KIF26B: variants seen among roughly 807,000 people sequenced by gnomAD.
KIF26B encodes the protein kinesin-like protein KIF26B.
In KIF26B, 63 loss-of-function variants were observed where a neutral mutation model predicts 151.2. That is an observed-to-expected ratio of 0.42 (90% CI 0.34 to 0.51). KIF26B has a LOEUF of 0.51. Ranked by LOEUF, KIF26B falls within the 20% of genes least tolerant of loss-of-function variation. KIF26B has a pLI of 0.07. For missense variants in KIF26B, 2,813 were observed against 2,913.6 expected (o/e 0.97, Z 0.79); for synonymous variants, 1,357 against 1,262.1 (o/e 1.08, Z -1.59).
At chr1:245,544,419 G>A (rs1661692806) in intron 5 of KIF26B, among the ~76,000 whole-genome samples, 2 of 152,142 alleles carry the variant, frequency 1.3e-5, no homozygotes, top group Non-Finnish European at 2.9e-5. Context: ...TGAGAGTGTT[G>A]TCACCCAGCC....
chr1:245,309,589 T>G (rs915813885), intron 2 of KIF26B, among the ~76,000 whole-genome samples: 2 of 151,752 alleles, frequency 1.3e-5, no homozygotes, highest in African/African-American at 4.8e-5. Context: ...CTGCAGATCT[T>G]GGGATCTGTC....
At chr1:245,214,328 T>C (rs1312089436) in intron 2 of KIF26B, 1 of 152,028 alleles carries the variant, frequency 6.6e-6, no homozygotes, top group Non-Finnish European at 1.5e-5. Flanking sequence ...AGTAAGCTGA[T>C]TGGGCCACTG....
intron 4 of KIF26B, among the ~76,000 whole-genome samples, chr1:245,465,127 C>T (rs1052209512): frequency 6.9e-4 from 54 of 78,610 alleles, no homozygotes; most frequent in Admixed American, 4.6e-3. Context: ...TACAGGCGCC[C>T]GCCACCACAC....
intron 10 of KIF26B, among the ~76,000 whole-genome samples, chr1:245,658,823 C>T (rs947858319): frequency 9.2e-5 from 14 of 152,148 alleles, no homozygotes; most frequent in Non-Finnish European, 1.9e-4. Flanking sequence ...TTCTTTGCTC[C>T]AGGAAAGTTG....
intron 4 of KIF26B, among the ~76,000 whole-genome samples, chr1:245,438,886 G>A (rs1232357590): frequency 6.6e-6 from 1 of 152,188 alleles, no homozygotes; most frequent in East Asian, 1.9e-4. Context: ...AGTGGTTGAT[G>A]GGAAGTGAGG....
chr1:245,574,544 C>T (rs2043096919), intron 5 of KIF26B, among the ~76,000 whole-genome samples: 1 of 152,194 alleles, frequency 6.6e-6, no homozygotes, highest in South Asian at 2.1e-4. Flanking sequence ...GAGCCATGAA[C>T]AGGCTGGTTG....
At chr1:245,632,260 AT>A (rs2043788860) in intron 9 of KIF26B, among the ~76,000 whole-genome samples, 1 of 152,146 alleles carries the variant, frequency 6.6e-6, no homozygotes, top group Non-Finnish European at 1.5e-5. Context: ...AAGAAAAAAG[AT>A]TTTATTTCAT....
intron 2 of KIF26B, among the ~76,000 whole-genome samples, chr1:245,286,982 G>C (rs115822607): frequency 0.042 from 6,320 of 152,136 alleles, 162 homozygotes; most frequent in African/African-American, 0.063. Context: ...GGTGGCATGT[G>C]CCTGTAATCC....
rs2042933202 is a variant in KIF26B, at chr1:245,560,254, C to T, written c.1350+19304C>T. Among the ~76,000 whole-genome samples the T allele has an allele frequency of 6.6e-6, 1 of 152,140 alleles. No homozygotes were observed. The highest frequency in any genetic ancestry group is 1.5e-5 in the Non-Finnish European group (1 of 68,010). On this transcript the variant is annotated intron_variant, in intron 5 of 14. Transcript: ENST00000407071. The surrounding 1 kb of genome is among the most constrained non-coding windows in gnomAD (Gnocchi z 4.3). ...CAATTCATTGAACATCTGCTACTGG[C>T]CAGGGACTTTTTCCCTTTTGGAAGG...
intron 2 of KIF26B, among the ~76,000 whole-genome samples, chr1:245,245,654 T>C (rs1670313789): frequency 6.6e-6 from 1 of 151,960 alleles, no homozygotes; most frequent in Non-Finnish European, 1.5e-5. Flanking sequence ...AAAAAATTGC[T>C]GGGTGCGGTG....
chr1:245,523,783 A>G (rs1661182590), intron 4 of KIF26B, among the ~76,000 whole-genome samples: 1 of 152,256 alleles, frequency 6.6e-6, no homozygotes, highest in Non-Finnish European at 1.5e-5. Context: ...AAAGAGGGAC[A>G]TAAACATTCA....
At chr1:245,549,966 A>AG (rs1661838828) in intron 5 of KIF26B, among the ~76,000 whole-genome samples, 2 of 152,070 alleles carry the variant, frequency 1.3e-5, no homozygotes, top group Admixed American at 6.6e-5. Flanking sequence ...TTTAGTAGAG[A>AG]GGGGGTTTCA....
At chr1:245,221,633 C>T (rs1392517673) in intron 2 of KIF26B, among the ~76,000 whole-genome samples, 1 of 152,180 alleles carries the variant, frequency 6.6e-6, no homozygotes, top group Non-Finnish European at 1.5e-5. Flanking sequence ...TCTTGAACTC[C>T]TGACATCAGG....
At chr1:245,198,953 G>A (rs1311443271) in intron 2 of KIF26B, among the ~76,000 whole-genome samples, 3 of 151,958 alleles carry the variant, frequency 2.0e-5, no homozygotes, top group Non-Finnish European at 2.9e-5. Context: ...CGTCGGGGGA[G>A]GCGGGAGAGT....
intron 3 of KIF26B, among the ~76,000 whole-genome samples, chr1:245,404,779 G>C (rs138245689): frequency 1.3e-5 from 2 of 152,330 alleles, no homozygotes; most frequent in East Asian, 3.9e-4. Context: ...GAAGAGCTTT[G>C]TCTCTGTGCT....
intron 2 of KIF26B, among the ~76,000 whole-genome samples, chr1:245,263,140 G>A (rs1269908761): frequency 1.3e-5 from 2 of 152,160 alleles, no homozygotes; most frequent in African/African-American, 4.8e-5. Flanking sequence ...GCCCCAGTAC[G>A]GTAGGAGAAA....
At chr1:245,250,755 G>GT (rs1204150973) in intron 2 of KIF26B, among the ~76,000 whole-genome samples, 1 of 152,054 alleles carries the variant, frequency 6.6e-6, no homozygotes, top group African/African-American at 2.4e-5. Context: ...CTTTGCCCGT[G>GT]TTTTTTCTCA....
intron 3 of KIF26B, among the ~76,000 whole-genome samples, chr1:245,376,132 T>G (rs1371342289): frequency 2.0e-5 from 3 of 152,196 alleles, no homozygotes; most frequent in Non-Finnish European, 2.9e-5. Context: ...CTGAATTTCA[T>G]GTAGAAGGAA....
chr1:245,646,265 A>G lies in KIF26B; in HGVS notation c.2243A>G (p.Lys748Arg). Residue 748 changes from lysine (K) to arginine (R), a missense_variant, in exon 10 of 15, where the codon AAA becomes AGA. Around this residue, in one of 3 missense-constraint regions of KIF26B, gnomAD observed 2,060 missense variants for 2,088.6 expected, o/e 0.99. Transcript: ENST00000407071. ...NVILALVNGS[K>R]HIPYKESKLA... is the part of the protein sequence containing the mutation. ...ATCCTGGCTCTCGTCAATGGCAGCAAACACATTCCATACAAGTAAGTGACT... is the reference window on the plus strand; with the variant it reads ...ATCCTGGCTCTCGTCAATGGCAGCAGACACATTCCATACAAGTAAGTGACT... 6.2e-7 allele frequency: 1 copy of G among 1,613,790 alleles called. No homozygotes were observed. Among genetic ancestry groups the G allele is most frequent in the Non-Finnish European group, 8.5e-7 (1 of 1,179,826 alleles).
Sources: allele counts gnomAD v4.1 joint callset (sites outside exome capture counted in the v4.1 genomes callset), GRCh38; gene constraint gnomAD v4.1.1; regional missense constraint gnomAD v4.1.1; non-coding constraint Gnocchi (gnomAD v3.1); transcripts MANE v1.5; gene names NCBI Gene and HGNC (gene_info 2026-07-23, HGNC 2026-07-21).